The following PAK1IP1 variants were observed in gnomAD, a reference collection of about 807,000 sequenced individuals.
PAK1IP1 encodes PAK1 interacting protein 1.
Under a neutral mutation model 42.0 loss-of-function variants are expected in PAK1IP1, and 24 were observed. The ratio of observed to expected loss-of-function variants is 0.57; its 90% CI spans 0.41 to 0.80. The LOEUF (loss-of-function observed/expected upper bound fraction) is 0.80, where lower values mean the gene tolerates loss of function less well. Among genes scored for constraint, PAK1IP1 ranks in the 30% least tolerant of loss-of-function variants. The pLI is 0.00. For missense variants in PAK1IP1, 411 were observed against 467.9 expected, an observed-to-expected ratio of 0.88 and a Z score of 1.12; for synonymous variants, 154 against 156.7, an observed-to-expected ratio of 0.98 and a Z score of 0.13.
upstream of PAK1IP1, among the ~76,000 whole-genome samples, chr6:10,691,588 C>CT (rs1355784245): frequency 3.3e-5 from 5 of 152,196 alleles, no homozygotes; most frequent in East Asian, 9.7e-4. Context: ...TCATTTCTGC[C>CT]TTTTAGTTTT....
intron 2 of PAK1IP1, among the ~76,000 whole-genome samples, chr6:10,700,808 T>G (rs1770004348): frequency 6.6e-6 from 1 of 152,090 alleles, no homozygotes; most frequent in Non-Finnish European, 1.5e-5. Flanking sequence ...TATAAATCCT[T>G]TTTTTCTTTT....
At position 10,697,468 on chromosome 6, in the gene PAK1IP1, G is replaced by C; in HGVS notation, c.229G>C (p.Ala77Pro). The change falls in exon 2 of 10, where the codon GCT (alanine) becomes CCT (proline). Residue 77 changes from alanine to proline, a missense_variant. Coordinates refer to ENST00000379568, the MANE Select transcript of PAK1IP1 (RefSeq NM_017906.3). ...CATGAAAAAGAAGATTGAGCATGGGGCTCTAGTGCATCACAGTGGTAAGAA... is the reference window on the plus strand; with the variant it reads ...CATGAAAAAGAAGATTGAGCATGGGCCTCTAGTGCATCACAGTGGTAAGAA... Reference protein sequence around the residue: ...YDMKKKIEHGALVHHSGTITC... With the variant: ...YDMKKKIEHGPLVHHSGTITC... 6.2e-7 allele frequency: 1 copy of C among 1,613,496 alleles called. No individual in the cohort carries two copies.
At chr6:10,707,979 C>G (rs1770255900) in intron 8 of PAK1IP1, among the ~76,000 whole-genome samples, 1 of 150,010 alleles carries the variant, frequency 6.7e-6, no homozygotes, top group Non-Finnish European at 1.5e-5. Context: ...TGTTGAATGT[C>G]TCTTTCCAAG....
At chr6:10,695,524 C>T (rs1342934465) in intron 1 of PAK1IP1, among the ~76,000 whole-genome samples, 1 of 152,084 alleles carries the variant, frequency 6.6e-6, no homozygotes, top group East Asian at 1.9e-4. Context: ...GCGAGCTGGG[C>T]GGTGGAGATG....
intron 8 of PAK1IP1, 77 bp downstream of exon 8, chr6:10,707,591 C>A: frequency 1.2e-6 from 1 of 839,558 alleles, no homozygotes; most frequent in South Asian, 1.4e-5. Context: ...TTTTAAGGGT[C>A]ATAAGACATA....
At chr6:10,707,727 G>A (rs879653586) in intron 8 of PAK1IP1, among the ~76,000 whole-genome samples, 7 of 152,004 alleles carry the variant, frequency 4.6e-5, no homozygotes, top group Non-Finnish European at 5.9e-5. Context: ...CCCAGAACTC[G>A]CGCTGCTCTT....
upstream of PAK1IP1, among the ~76,000 whole-genome samples, chr6:10,692,505 A>G (rs1008016039): frequency 6.6e-6 from 1 of 151,932 alleles, no homozygotes; most frequent in Non-Finnish European, 1.5e-5. Flanking sequence ...CAGTGGCGGG[A>G]TCTCGGCTCA....
At chr6:10,704,958 T>A (rs1255942891) in intron 7 of PAK1IP1, 114 bp downstream of exon 7, 2 of 711,810 alleles carry the variant, frequency 2.8e-6, no homozygotes, top group Non-Finnish European at 5.1e-6. Flanking sequence ...TAATCAGACA[T>A]ATCTACATGT....
chr6:10,705,022 G>C (rs1770157408), intron 7 of PAK1IP1, among the ~76,000 whole-genome samples, 178 bp downstream of exon 7: 1 of 152,110 alleles, frequency 6.6e-6, no homozygotes, highest in African/African-American at 2.4e-5. Context: ...TATCTTCCTG[G>C]CATTTAATAA....
upstream of PAK1IP1, among the ~76,000 whole-genome samples, chr6:10,694,342 AGACAAGCAGACAGAGAAAGTGTGCAG>A (rs1769658925): frequency 6.6e-6 from 1 of 151,878 alleles, no homozygotes; most frequent in Non-Finnish European, 1.5e-5. Context: ...CCCCAGAGTT[AGACAAGCAGACAGAGAAAGTGTGCAG>A]GGCTGGGGTT....
At chr6:10,702,723 G>A in intron 4 of PAK1IP1, 84 bp downstream of exon 4, 3 of 986,620 alleles carry the variant, frequency 3.0e-6, no homozygotes, top group Middle Eastern at 2.2e-4. Flanking sequence ...TGTTATACAA[G>A]GGAAAGGTCA....
intron 1 of PAK1IP1, among the ~76,000 whole-genome samples, chr6:10,695,541 T>C (rs1241505093): frequency 6.6e-6 from 1 of 152,180 alleles, no homozygotes; most frequent in Admixed American, 6.5e-5. Context: ...GATGCAAAGA[T>C]GCTGGAGGTA....
intron 7 of PAK1IP1, among the ~76,000 whole-genome samples, chr6:10,706,105 C>T (rs868600210): frequency 6.6e-6 from 1 of 151,944 alleles, no homozygotes; most frequent in African/African-American, 2.4e-5. Flanking sequence ...AGATTATAAG[C>T]AAGCAGATCA....
At chr6:10,703,319 C>A in intron 4 of PAK1IP1, 86 bp from the exon 5 acceptor site, 4 of 926,830 alleles carry the variant, frequency 4.3e-6, no homozygotes, top group South Asian at 2.9e-5. Context: ...AGTAAAATGT[C>A]ACTTAAGTCT....
At chr6:10,707,064 C>T (rs1481538634) in intron 7 of PAK1IP1, among the ~76,000 whole-genome samples, 3 of 152,084 alleles carry the variant, frequency 2.0e-5, no homozygotes, top group African/African-American at 7.2e-5. Flanking sequence ...CTGGATTCAT[C>T]GTTTCTGTTG....
chr6:10,709,189 C>A, intron 9 of PAK1IP1, 49 bp from the exon 10 acceptor site: 1 of 1,541,070 alleles, frequency 6.5e-7, no homozygotes, highest in South Asian at 1.2e-5. Flanking sequence ...TTATTTCATT[C>A]AAAGGGGAAA....
Position 10,697,395 on chromosome 6 carries a change from T to C in PAK1IP1, c.156T>C (p.Ser52=). 1 of 1,614,002 alleles carries C rather than the reference T, an allele frequency of 6.2e-7. No homozygotes were observed. The highest frequency in any genetic ancestry group is 8.5e-7 in the Non-Finnish European group (1 of 1,179,912). Residue 52 remains serine, a synonymous_variant, in exon 2 of 10, where the codon AGT becomes AGC. Coordinates refer to ENST00000379568, the MANE Select transcript of PAK1IP1 (RefSeq NM_017906.3). ...TASLSAVAVN[S]RFVVTGSKDE... The stretch of plus-strand genomic sequence containing the variant: ...CCTTGTCAGCAGTAGCTGTAAATAG[T>C]CGTTTTGTGGTCACTGGGAGCAAAG...
chr6:10,708,393 C>T (rs777721078), intron 8 of PAK1IP1, among the ~76,000 whole-genome samples: 46 of 151,916 alleles, frequency 3.0e-4, no homozygotes, highest in African/African-American at 8.5e-4. Flanking sequence ...CTGAATACTA[C>T]GCCGTTGTGT....
chr6:10,695,266 C>T (rs1428884496), intron 1 of PAK1IP1, among the ~76,000 whole-genome samples, 197 bp downstream of exon 1: 2 of 152,122 alleles, frequency 1.3e-5, no homozygotes, highest in Non-Finnish European at 2.9e-5. Flanking sequence ...CAATATCTGC[C>T]TTTTCTAGTA....
Sources: gnomAD v4.1 joint callset for allele counts (sites outside exome capture counted in the v4.1 genomes callset) on GRCh38, gnomAD v4.1.1 for gene constraint, MANE v1.5 for transcripts, NCBI Gene and HGNC (gene_info 2026-07-23, HGNC 2026-07-21) for gene names.